ARVCF: variants seen among roughly 807,000 people sequenced by gnomAD.
ARVCF encodes the protein splicing regulator ARVCF.
ARVCF carries 66 observed loss-of-function variants against 90.9 expected under a neutral mutation model. The ratio of observed to expected loss-of-function variants is 0.73; its 90% CI spans 0.60 to 0.89. The LOEUF is 0.89. ARVCF is among the 40% of genes least tolerant of loss of function. The probability of loss-of-function intolerance (pLI) is 0.00; values close to 1 mark genes in which losing one functional copy is unlikely to be tolerated. For missense variants in ARVCF, 1,469 were observed against 1,382.3 expected, an observed-to-expected ratio of 1.06 and a Z score of -1.00; for synonymous variants, 653 against 603.4, an observed-to-expected ratio of 1.08 and a Z score of -1.21.
chr22:19,972,457 G>C, intron 16 of ARVCF, 46 bp from the exon 17 acceptor site: 1 of 1,611,050 alleles, frequency 6.2e-7, no homozygotes, highest in Non-Finnish European at 8.5e-7. Context: ...CAGCCAGGGG[G>C]GATCGGGGCA....
intron 2 of ARVCF, 105 bp from the exon 3 acceptor site, chr22:19,990,917 C>T: frequency 9.2e-7 from 1 of 1,085,276 alleles, no homozygotes; most frequent in East Asian, 2.6e-5. Context: ...CACTCCCAGA[C>T]CAGAGCATCC....
intron 16 of ARVCF, 35 bp downstream of exon 16, chr22:19,972,702 G>A (rs1942886683): frequency 1.9e-6 from 3 of 1,561,950 alleles, no homozygotes; most frequent in Non-Finnish European, 1.7e-6. Flanking sequence ...AGCTGGGGTC[G>A]CCACCCTCTA....
chr22:19,979,132 C>T, intron 6 of ARVCF, 52 bp from the exon 7 acceptor site: 1 of 1,573,204 alleles, frequency 6.4e-7, no homozygotes, highest in Non-Finnish European at 8.7e-7. Context: ...CGCCTGCCTA[C>T]CTCCCCAGGT....
rs571913818 is a variant in ARVCF at position 19,971,227 on chromosome 22, G to C, written c.*1C>G. ...ATGAGAGAACGTACCAGGCATGCAA[G>C]CTAGACCCAGGAATCAACGGGCTGA... is the stretch of plus-strand genomic sequence containing the variant. On this transcript the variant is annotated 3_prime_UTR_variant, in exon 19 of 20. Coordinates refer to ENST00000263207, the MANE Select transcript of ARVCF (RefSeq NM_001670.3). 1.6e-5 allele frequency: 25 copies of C among 1,553,402 alleles called. No individual in the cohort carries two copies. The African/African-American group carries it at 3.3e-4, about 20-fold the overall frequency.
intron 13 of ARVCF, 35 bp from the exon 14 acceptor site, chr22:19,973,352 T>C: frequency 6.5e-7 from 1 of 1,549,660 alleles, no homozygotes; most frequent in Middle Eastern, 1.7e-4. Flanking sequence ...AACACACCTC[T>C]GCCCCACCTC....
chr22:19,976,748 A>G, intron 9 of ARVCF, 25 bp from the exon 10 acceptor site: 1 of 1,557,912 alleles, frequency 6.4e-7, no homozygotes, highest in Non-Finnish European at 8.7e-7. Context: ...GAAGCAGAGG[A>G]GAGAGGAGAG....
chr22:19,995,170 G>A (rs1478204036), intron 2 of ARVCF, among the ~76,000 whole-genome samples: 5 of 152,018 alleles, frequency 3.3e-5, no homozygotes, highest in Non-Finnish European at 7.4e-5. Flanking sequence ...GTGGACAGGA[G>A]ACTAATAGGT....
At chr22:19,980,434 G>C in intron 5 of ARVCF, 192 bp from the exon 6 acceptor site, 1 of 820,760 alleles carries the variant, frequency 1.2e-6, no homozygotes, top group South Asian at 3.5e-5. Flanking sequence ...CCAATTCAGA[G>C]CCAAATGCCA....
At chr22:19,987,011 G>T in intron 3 of ARVCF, 1 of 644,598 alleles carries the variant, frequency 1.6e-6, no homozygotes. Flanking sequence ...CGGGCAGGCC[G>T]ACGCCCCGCC....
In ARVCF at chr22:19,979,937, C is replaced by G. The variant is rs758963420; in HGVS notation, c.1202G>C (p.Gly401Ala). 15 of 1,595,778 alleles carry G rather than the reference C, an allele frequency of 9.4e-6. No homozygotes were observed. The highest frequency in any genetic ancestry group is 8.7e-5 in the Admixed American group (5 of 57,564). ...CAGCAGTGCCACAAGCAGCGGCAGC[C>G]CCCGCAACTGCCGTACACGCCGCTT... Reference protein sequence around the residue: ...GVKRRVRQLRGLPLLVALLDH... With the variant: ...GVKRRVRQLRALPLLVALLDH... Residue 401 changes from glycine (G) to alanine (A), a missense_variant, in exon 6 of 20, where the codon GGG becomes GCG. Transcript: ENST00000263207.
Position 19,990,731 on chromosome 22 carries a change from G to A in ARVCF, c.64C>T (p.Arg22Cys), listed in dbSNP as rs375705384. The A allele has an allele frequency of 2.3e-5, 36 of 1,592,744 alleles. No homozygotes were observed. In the African/African-American group the frequency reaches 2.6e-4, roughly 11 times the overall value. Residue 22 changes from arginine to cysteine, a missense_variant, in exon 3 of 20, where the codon CGC becomes TGC. Physicochemically the swap from Arg to Cys is radical, Grantham distance 180 (BLOSUM62 -3). Coordinates refer to ENST00000263207, the MANE Select transcript of ARVCF (RefSeq NM_001670.3). ...ILASVKEQEA[R>C]FERLTRALEQ... ...AGTGCCCGTGTCAGCCTCTCGAAGC[G>A]GGCCTCCTGCTCCTTCACCGAGGCC...
chr22:19,969,053 A>C, downstream of ARVCF: 2 of 254,130 alleles, frequency 7.9e-6, no homozygotes, highest in South Asian at 4.2e-5. Flanking sequence ...ATCCTTCTCA[A>C]CTGCCATTCC....
In ARVCF at chr22:19,970,753, G is replaced by GA. The variant is rs1175861868; in HGVS notation, c.*13-11dup. On this transcript the variant is annotated splice_polypyrimidine_tract_variant and intron_variant, in intron 19 of 19. Coordinates refer to ENST00000263207, the MANE Select transcript of ARVCF (RefSeq NM_001670.3). ...AGGCTGGGCCTGGGCCCTGCAGAGG[G>GA]AAAGGGGATGGTGGACGCTGCAGCC... 3.9e-6 allele frequency: 5 copies of GA among 1,291,008 alleles called. No individual in the cohort carries two copies. In the African/African-American group the frequency reaches 4.6e-5, roughly 12 times the overall value. 80.0% of individuals were successfully genotyped at this position (1,291,008 alleles called of 1,614,324 possible).
chr22:19,994,481 T>C (rs1368170440), intron 2 of ARVCF, among the ~76,000 whole-genome samples: 3 of 55,632 alleles, frequency 5.4e-5, no homozygotes, highest in Non-Finnish European at 1.0e-4. Flanking sequence ...GGTGGGGGGA[T>C]GGTGGAGGAT....
chr22:20,010,539 T>C (rs1431817981), intron 1 of ARVCF, 31 bp from the exon 2 acceptor site: 1 of 152,150 alleles, frequency 6.6e-6, no homozygotes, highest in African/African-American at 2.4e-5. Flanking sequence ...ATGAGTGAGG[T>C]CAATCCAGCT....
intron 5 of ARVCF, chr22:19,980,829 A>G (rs1266594656): frequency 4.4e-6 from 1 of 226,326 alleles, no homozygotes; most frequent in East Asian, 9.3e-5. Context: ...GGCCAGGGTC[A>G]CACAACAAAA....
chr22:19,974,864 G>A (rs1223982440), intron 11 of ARVCF, among the ~76,000 whole-genome samples: 2 of 152,116 alleles, frequency 1.3e-5, no homozygotes, highest in Admixed American at 1.3e-4. Context: ...CAACTGAGGC[G>A]CCGTCCTGCT....
Position 19,972,977 on chromosome 22 carries a change from T to C in ARVCF, c.2498A>G (p.Lys833Arg). The stretch of plus-strand genomic sequence containing the variant: ...TTTCTGCAAGGTACCACGCAGCTCC[T>C]TGTAGCTCCACACTGTCTGCAGCAC... ...SHVLQTVWSYKELRGTLQKDG... is the reference protein window; with the variant it reads ...SHVLQTVWSYRELRGTLQKDG... The change falls in exon 15 of 20, where the codon AAG (lysine) becomes AGG (arginine). Residue 833 changes from lysine to arginine, a missense_variant. Physicochemically the swap from Lys to Arg is conservative, Grantham distance 26. Transcript: ENST00000263207. 6.2e-7 allele frequency: 1 copy of C among 1,613,696 alleles called. No individual in the cohort carries two copies. Among genetic ancestry groups the C allele is most frequent in the Non-Finnish European group, 8.5e-7 (1 of 1,180,008 alleles).
chr22:20,015,856 T>C (rs1437017241), intron 1 of ARVCF, among the ~76,000 whole-genome samples: 2 of 152,120 alleles, frequency 1.3e-5, no homozygotes, highest in African/African-American at 4.8e-5. Flanking sequence ...ACATTACACA[T>C]AGCTAAGAAA....
Sources: gnomAD v4.1 joint callset for allele counts (sites outside exome capture counted in the v4.1 genomes callset) on GRCh38, gnomAD v4.1.1 for gene constraint, MANE v1.5 for transcripts, NCBI Gene and HGNC (gene_info 2026-07-23, HGNC 2026-07-21) for gene names.